Variants in CLEC2B observed in about 807,000 individuals in gnomAD.
CLEC2B encodes the protein C-type lectin domain family 2 member B.
CLEC2B carries 14 observed loss-of-function variants against 16.2 expected under a neutral mutation model. The ratio of observed to expected loss-of-function variants is 0.86; its 90% CI spans 0.57 to 1.35. The LOEUF (loss-of-function observed/expected upper bound fraction) is 1.35. CLEC2B is among the 40% of genes most tolerant of loss of function. CLEC2B has a pLI of 0.00. For missense variants in CLEC2B, 166 were observed against 182.3 expected (o/e 0.91, Z 0.52); for synonymous variants, 42 against 55.8 (o/e 0.75, Z 1.10).
At chr12:9,864,635 G>C (rs1867957332) in intron 1 of CLEC2B, among the ~76,000 whole-genome samples, 1 of 152,054 alleles carries the variant, frequency 6.6e-6, no homozygotes, top group South Asian at 2.1e-4. Context: ...AAAATAACTT[G>C]TTATATCTAT....
intron 3 of CLEC2B, among the ~76,000 whole-genome samples, chr12:9,855,404 A>G (rs917278494): frequency 6.6e-6 from 1 of 152,118 alleles, no homozygotes; most frequent in Non-Finnish European, 1.5e-5. Context: ...ATTGTCCTAC[A>G]TTCAAAGGCC....
Position 9,862,557 on chromosome 12 carries a change from A to G in CLEC2B, c.15T>C (p.His5=). ...CACCAACAATTATAAAACACTTTTTATGTTTGGTCATCATACCTGAAAAAT... is the reference window on the plus strand; with the variant it reads ...CACCAACAATTATAAAACACTTTTTGTGTTTGGTCATCATACCTGAAAAAT... MMTK[H]KKCFIIVGVL... Residue 5 remains histidine (H), a synonymous_variant, in exon 2 of 5, where the codon CAT becomes CAC. Transcript: ENST00000228438. The G allele has an allele frequency of 6.8e-7, 1 of 1,476,366 alleles. No individual in the cohort carries two copies. Among genetic ancestry groups the G allele is most frequent in the Non-Finnish European group, 9.1e-7 (1 of 1,096,404 alleles). The allele number at this position is 1,476,366 out of a possible 1,614,324, so 91.5% of individuals were successfully genotyped here.
At chr12:9,854,042 A>G (rs1165609779) in intron 4 of CLEC2B, among the ~76,000 whole-genome samples, 1 of 152,204 alleles carries the variant, frequency 6.6e-6, no homozygotes, top group East Asian at 1.9e-4. Context: ...TGTAAAAGAC[A>G]TCAGAAAATA....
chr12:9,855,532 G>T (rs1867889179), intron 3 of CLEC2B, among the ~76,000 whole-genome samples: 1 of 151,984 alleles, frequency 6.6e-6, no homozygotes, highest in African/African-American at 2.4e-5. Flanking sequence ...AAAAAAATAT[G>T]AGTTTTTAAG....
At chr12:9,862,049 A>G (rs1269416996) in intron 2 of CLEC2B, among the ~76,000 whole-genome samples, 1 of 152,132 alleles carries the variant, frequency 6.6e-6, no homozygotes, top group Non-Finnish European at 1.5e-5. Context: ...TCTGCTACCT[A>G]TGATGACATT....
chr12:9,857,457 T>C lies in CLEC2B; in HGVS notation c.237+17A>G, dbSNP rs1395643570. On this transcript the variant is annotated intron_variant, in intron 3 of 4. Transcript: ENST00000228438. ...GACTCAAGAAAATTCACAAAGAATGTATATTAAATTACTTACCATTTCTTC... is the reference window on the plus strand; with the variant it reads ...GACTCAAGAAAATTCACAAAGAATGCATATTAAATTACTTACCATTTCTTC... 6.4e-7 allele frequency: 1 copy of C among 1,567,996 alleles called. No homozygotes were observed. Among genetic ancestry groups the C allele is most frequent in the South Asian group, 1.1e-5 (1 of 89,210 alleles).
At chr12:9,859,082 A>G (rs1198299198) in intron 2 of CLEC2B, among the ~76,000 whole-genome samples, 1 of 152,040 alleles carries the variant, frequency 6.6e-6, no homozygotes, top group Non-Finnish European at 1.5e-5. Context: ...TTCTCAAAAC[A>G]CAGTAGCATC....
At chr12:9,867,530 G>T (rs1436879099) in intron 1 of CLEC2B, among the ~76,000 whole-genome samples, 1 of 152,032 alleles carries the variant, frequency 6.6e-6, no homozygotes, top group Admixed American at 6.6e-5. Flanking sequence ...TATTTAGGAG[G>T]CTGTAATTAT....
At chr12:9,866,434 C>T (rs1867970527) in intron 1 of CLEC2B, among the ~76,000 whole-genome samples, 1 of 150,814 alleles carries the variant, frequency 6.6e-6, no homozygotes, top group South Asian at 2.1e-4. Context: ...TGATCCTATA[C>T]TCTTCATCCA....
At chr12:9,860,368 G>C (rs253150) in intron 2 of CLEC2B, among the ~76,000 whole-genome samples, 82,196 of 151,384 alleles carry the variant, frequency 0.54, 22,489 homozygotes, top group African/African-American at 0.57. Context: ...AGGCCAGCAA[G>C]AGACTAAATA....
chr12:9,869,210 T>A lies in CLEC2B; in HGVS notation c.-8A>T, dbSNP rs1024171552. ...ACAAACAAAAATGTTCTTACCGTGC[T>A]TCTTTTAATCAGCGTTTTGATTTTC... On this transcript the variant is annotated 5_prime_UTR_variant, in exon 1 of 5. In the 5' UTR this introduces an upstream ATG that the reference lacks. Transcript: ENST00000228438. 9.8e-5 allele frequency: 15 copies of A among 152,310 alleles called. 1 individual carries two copies. The East Asian group carries it at 2.1e-3, about 22-fold the overall frequency. 9.4% of individuals were successfully genotyped at this position (152,310 alleles called of 1,614,324 possible). A position where few individuals can be genotyped will look rare whatever the true frequency, so the allele number is the denominator to read the frequency against.
At chr12:9,854,575 A>C (rs1867879610) in intron 3 of CLEC2B, 91 bp from the exon 4 acceptor site, 1 of 828,374 alleles carries the variant, frequency 1.2e-6, no homozygotes, top group Non-Finnish European at 2.1e-6. Flanking sequence ...GTGAAGTGCA[A>C]GGCAACAATT....
At chr12:9,861,837 T>A (rs767160696) in intron 2 of CLEC2B, among the ~76,000 whole-genome samples, 2 of 152,178 alleles carry the variant, frequency 1.3e-5, no homozygotes, top group Non-Finnish European at 2.9e-5. Context: ...TATAAAATTT[T>A]ATAATATTTA....
At chr12:9,867,093 A>C (rs1225896646) in intron 1 of CLEC2B, 1 of 152,184 alleles carries the variant, frequency 6.6e-6, no homozygotes, top group Non-Finnish European at 1.5e-5. Flanking sequence ...AGCACAAAAT[A>C]GCAGAGCTAG....
chr12:9,853,537 G>A (rs964836633), intron 4 of CLEC2B, 129 bp from the exon 5 acceptor site: 1 of 688,408 alleles, frequency 1.5e-6, no homozygotes, highest in Non-Finnish European at 2.6e-6. Context: ...TCTTGCTAGT[G>A]TTGAGATACC....
At chr12:9,864,749 T>C (rs991622935) in intron 1 of CLEC2B, among the ~76,000 whole-genome samples, 26 of 151,948 alleles carry the variant, frequency 1.7e-4, no homozygotes, top group African/African-American at 5.8e-4. Flanking sequence ...GAAAATTATA[T>C]AACCCCAAAG....
Position 9,853,083 on chromosome 12 carries a change from A to AAGAAAGAGAAAGAAAGAG in CLEC2B, c.*216_*217insCTCTTTCTTTCTCTTTCT. 422 of 329,292 alleles carry AAGAAAGAGAAAGAAAGAG rather than the reference A, an allele frequency of 1.3e-3. No homozygotes were observed. The highest frequency in any genetic ancestry group is 3.5e-3 in the Middle Eastern group (4 of 1,158). 20.4% of individuals were successfully genotyped at this position (329,292 alleles called of 1,614,324 possible). On this transcript the variant is annotated 3_prime_UTR_variant, in exon 5 of 5. Transcript: ENST00000228438. ...AAAGAAAGAAAGAAAGAAAGAAAGA[A>AAGAAAGAGAAAGAAAGAG]AGAGAGAGAGAGAAAGAAAGAAAGA...
chr12:9,859,629 A>C (rs1311276033), intron 2 of CLEC2B, among the ~76,000 whole-genome samples: 1 of 151,798 alleles, frequency 6.6e-6, no homozygotes, highest in Non-Finnish European at 1.5e-5. Flanking sequence ...TCGTTTAGGA[A>C]AGGCATAACA....
chr12:9,857,234 T>C (rs913844142), intron 3 of CLEC2B: 3 of 424,486 alleles, frequency 7.1e-6, no homozygotes, highest in African/African-American at 6.1e-5. Context: ...AGCTCTTCTG[T>C]GTACACTCTT....
Sources: gnomAD v4.1 joint callset for allele counts (sites outside exome capture counted in the v4.1 genomes callset) on GRCh38, gnomAD v4.1.1 for gene constraint, MANE v1.5 for transcripts, NCBI Gene and HGNC (gene_info 2026-07-23, HGNC 2026-07-21) for gene names.